Variants in TNFSF8 observed in about 807,000 individuals in gnomAD.
TNFSF8 encodes the protein tumor necrosis factor ligand superfamily member 8.
Under a neutral mutation model 22.0 loss-of-function variants are expected in TNFSF8, and 4 were observed. The ratio of observed to expected loss-of-function variants is 0.18; its 90% CI spans 0.09 to 0.42. TNFSF8 has a LOEUF of 0.42. Among genes scored for constraint, TNFSF8 ranks in the 10% least tolerant of loss-of-function variants. The pLI, the probability that TNFSF8 is intolerant of heterozygous loss-of-function variation, is 1.00. For synonymous variants in TNFSF8, 106 were observed against 112.5 expected, an observed-to-expected ratio of 0.94 and a Z score of 0.37; for missense variants, 233 against 281.8, an observed-to-expected ratio of 0.83 and a Z score of 1.24.
At chr9:114,908,808 G>C (rs1437350876) in intron 2 of TNFSF8, among the ~76,000 whole-genome samples, 1 of 152,152 alleles carries the variant, frequency 6.6e-6, no homozygotes, top group Non-Finnish European at 1.5e-5. Context: ...TCAGAAAGGG[G>C]CTAAAAGCAG....
chr9:114,896,445 G>A (rs1827656078), downstream of TNFSF8, among the ~76,000 whole-genome samples: 1 of 152,130 alleles, frequency 6.6e-6, no homozygotes, highest in Non-Finnish European at 1.5e-5. Context: ...GGTATACCAA[G>A]GTTTGATTTA....
intron 2 of TNFSF8, among the ~76,000 whole-genome samples, chr9:114,912,113 G>A (rs115598441): frequency 1.3e-5 from 2 of 152,314 alleles, no homozygotes; most frequent in African/African-American, 4.8e-5. Context: ...ATTACTAGCT[G>A]TGTGGCTTTG....
At chr9:114,923,522 C>CTTTCT (rs758823996) in intron 1 of TNFSF8, among the ~76,000 whole-genome samples, 2,706 of 89,654 alleles carry the variant, frequency 0.03, 187 homozygotes, top group African/African-American at 0.12. Flanking sequence ...TTCTTTCTTT[C>CTTTCT]TTTTTTTTTT....
At chr9:114,921,379 A>G (rs1827985753) in intron 1 of TNFSF8, among the ~76,000 whole-genome samples, 1 of 152,192 alleles carries the variant, frequency 6.6e-6, no homozygotes, top group Non-Finnish European at 1.5e-5. Flanking sequence ...ATGGAGGAGG[A>G]AACCAAGGCA....
At position 114,903,813 on chromosome 9, in the gene TNFSF8, A is replaced by G; in HGVS notation, c.*118T>C. ...CAAGAGACAGAAGGAGAAGTATACT[A>G]TTTAATACCCTGTGTAGTTTGTCTT... On this transcript the variant is annotated 3_prime_UTR_variant, in exon 4 of 4. Coordinates refer to ENST00000223795, the MANE Select transcript of TNFSF8 (RefSeq NM_001244.4). The G allele has an allele frequency of 6.7e-7, 1 of 1,497,880 alleles. No individual in the cohort carries two copies. The highest frequency in any genetic ancestry group is 8.8e-7 in the Non-Finnish European group (1 of 1,131,946). 92.8% of individuals were successfully genotyped at this position (1,497,880 alleles called of 1,614,324 possible). A position where few individuals can be genotyped will look rare whatever the true frequency, so the allele number is the denominator to read the frequency against.
exon 5 of TNFSF8, chr9:114,893,961 TG>T: frequency 1.2e-6 from 1 of 800,656 alleles, no homozygotes; most frequent in Non-Finnish European, 2.0e-6. Flanking sequence ...AACCGTTTCC[TG>T]GCTATGTCGG....
At chr9:114,918,160 A>G (rs748392396) in intron 1 of TNFSF8, 22 bp from the exon 2 acceptor site, 1 of 1,601,840 alleles carries the variant, frequency 6.2e-7, no homozygotes, top group Non-Finnish European at 8.5e-7. Flanking sequence ...GAAAGAAAAA[A>G]GCAGCATGAG....
At chr9:114,908,645 GA>G (rs547947150) in intron 2 of TNFSF8, among the ~76,000 whole-genome samples, 14 of 147,372 alleles carry the variant, frequency 9.5e-5, no homozygotes, top group East Asian at 4.0e-4. Context: ...CCCGAGGATG[GA>G]AAAAAAAAAC....
chr9:114,918,552 C>A (rs115583664), intron 1 of TNFSF8, among the ~76,000 whole-genome samples: 1 of 151,758 alleles, frequency 6.6e-6, no homozygotes, highest in Non-Finnish European at 1.5e-5. Context: ...TGAGTTCAAG[C>A]GATCCTCTTG....
downstream of TNFSF8, among the ~76,000 whole-genome samples, chr9:114,899,198 C>G (rs1827689233): frequency 6.6e-6 from 1 of 152,092 alleles, no homozygotes. Context: ...ATACTAGAGC[C>G]TGAGCTGCAA....
At chr9:114,900,134 A>C (rs189188308), downstream of TNFSF8, among the ~76,000 whole-genome samples, 32 of 152,348 alleles carry the variant, frequency 2.1e-4, no homozygotes, top group East Asian at 6.2e-3. Context: ...AGTCACATAA[A>C]GGATGGCTCA....
chr9:114,901,104 T>G, downstream of TNFSF8: 2 of 985,246 alleles, frequency 2.0e-6, no homozygotes, highest in South Asian at 9.4e-5. Context: ...GAGCTCAAGT[T>G]GAGTTTTTAC....
At chr9:114,908,923 C>T (rs1221986149) in intron 2 of TNFSF8, among the ~76,000 whole-genome samples, 3 of 152,082 alleles carry the variant, frequency 2.0e-5, no homozygotes, top group Admixed American at 6.5e-5. Flanking sequence ...GTCGGCACAC[C>T]GTGGGGCCCA....
In TNFSF8 at chr9:114,923,987, C is replaced by T. The variant is rs758458096; in HGVS notation, c.196-5849G>A. Among the ~76,000 whole-genome samples the T allele has an allele frequency of 2.6e-5, 4 of 152,168 alleles. No homozygotes were observed. The South Asian group carries it at 8.3e-4, about 32-fold the overall frequency. The stretch of plus-strand genomic sequence containing the variant: ...TAGAATTACCTATATACTATTCTTA[C>T]TAAAAATGTTTCATCTGAGTATAAC... On this transcript the variant is annotated intron_variant, in intron 1 of 3. Coordinates refer to ENST00000223795, the MANE Select transcript of TNFSF8 (RefSeq NM_001244.4).
At chr9:114,896,185 A>G (rs1253864161), downstream of TNFSF8, among the ~76,000 whole-genome samples, 48 of 152,202 alleles carry the variant, frequency 3.2e-4, no homozygotes, top group Admixed American at 3.1e-3. Flanking sequence ...TGTAAGGTGC[A>G]CCTGAATCTC....
chr9:114,914,678 C>T (rs554294491), intron 2 of TNFSF8, among the ~76,000 whole-genome samples: 2 of 152,294 alleles, frequency 1.3e-5, no homozygotes, highest in African/African-American at 4.8e-5. Flanking sequence ...ATTTCATCCT[C>T]ATGGTGGCTT....
chr9:114,927,261 GT>G (rs569475379), intron 1 of TNFSF8, among the ~76,000 whole-genome samples: 61 of 151,162 alleles, frequency 4.0e-4, no homozygotes, highest in African/African-American at 1.4e-3. Context: ...GGATTTTGTT[GT>G]TTTTTTTCAA....
intron 2 of TNFSF8, among the ~76,000 whole-genome samples, 161 bp downstream of exon 2, chr9:114,917,935 G>C (rs1208039350): frequency 6.6e-6 from 1 of 152,180 alleles, no homozygotes; most frequent in Admixed American, 6.5e-5. Flanking sequence ...GATGAATTCA[G>C]GTGCATCAGC....
intron 2 of TNFSF8, among the ~76,000 whole-genome samples, chr9:114,909,896 C>G (rs1275137611): frequency 2.0e-5 from 3 of 152,182 alleles, no homozygotes; most frequent in Non-Finnish European, 4.4e-5. Context: ...CCTGAGATGG[C>G]CTGGTTCAGG....
Sources: allele counts gnomAD v4.1 joint callset (sites outside exome capture counted in the v4.1 genomes callset), GRCh38; gene constraint gnomAD v4.1.1; transcripts MANE v1.5; gene names NCBI Gene and HGNC (gene_info 2026-07-23, HGNC 2026-07-21).